Variants in B4GALT6 observed in about 807,000 individuals in gnomAD.
The protein encoded by B4GALT6 is beta-1,4-galactosyltransferase 6.
A neutral mutation model predicts 46.3 loss-of-function variants in B4GALT6; 14 were observed. The ratio of observed to expected loss-of-function variants is 0.30; its 90% CI spans 0.20 to 0.47. The LOEUF (loss-of-function observed/expected upper bound fraction) is 0.47. Among genes scored for constraint, B4GALT6 ranks in the 20% least tolerant of loss-of-function variants. The pLI is 0.99. For synonymous variants in B4GALT6, 168 were observed against 162.0 expected, an observed-to-expected ratio of 1.04 and a Z score of -0.28; for missense variants, 386 against 480.1, an observed-to-expected ratio of 0.80 and a Z score of 1.83.
the B4GALT6 span, among the ~76,000 whole-genome samples, chr18:31,695,676 T>C: frequency 6.6e-6 from 1 of 152,072 alleles, no homozygotes; most frequent in South Asian, 2.1e-4. Flanking sequence ...ATCTGAAGAG[T>C]AGTGAAAGCT....
chr18:31,684,258 C>A, intron 1 of B4GALT6, 54 bp downstream of exon 1: 1 of 1,608,772 alleles, frequency 6.2e-7, no homozygotes, highest in Non-Finnish European at 8.5e-7. Flanking sequence ...CGGATAACAG[C>A]CTGCGCTGGC....
chr18:31,682,767 A>T (rs1473630415), intron 1 of B4GALT6, among the ~76,000 whole-genome samples: 1 of 152,110 alleles, frequency 6.6e-6, no homozygotes, highest in Non-Finnish European at 1.5e-5. Context: ...AATTCCTAGT[A>T]AAAAAACATA....
At chr18:31,691,135 C>G in the B4GALT6 span, among the ~76,000 whole-genome samples, 6 of 151,772 alleles carry the variant, frequency 4.0e-5, no homozygotes, top group Non-Finnish European at 5.9e-5. Context: ...CACATGTATC[C>G]CAGAACTTAA....
At chr18:31,720,894 A>G in the B4GALT6 span, among the ~76,000 whole-genome samples, 1 of 152,218 alleles carries the variant, frequency 6.6e-6, no homozygotes, top group Non-Finnish European at 1.5e-5. Context: ...AGGCACATCC[A>G]AAGTGGCTGA....
chr18:31,684,672 A>T, upstream of B4GALT6: 3 of 469,862 alleles, frequency 6.4e-6, no homozygotes, highest in Non-Finnish European at 7.8e-6. Context: ...TGGAGGGGGG[A>T]GAGGGGACTG....
chr18:31,650,531 G>A (rs1171565603), intron 3 of B4GALT6, among the ~76,000 whole-genome samples: 1 of 152,192 alleles, frequency 6.6e-6, no homozygotes, highest in Non-Finnish European at 1.5e-5. Context: ...CTGGTAGGAG[G>A]TTTAAGCCCT....
At position 31,662,802 on chromosome 18, in the gene B4GALT6, C is replaced by T. The variant is rs2074234742; in HGVS notation, c.232+3454G>A. Among the ~76,000 whole-genome samples the T allele has an allele frequency of 2.0e-5, 3 of 152,144 alleles. No individual in the cohort carries two copies. The South Asian group carries it at 6.2e-4, about 32-fold the overall frequency. ...CTTGCAGTGAGCTGAGATCATACCA[C>T]TGCACTTCAGCCTGGGCGACAGAGC... On this transcript the variant is annotated intron_variant, in intron 2 of 8. Coordinates refer to ENST00000306851, the MANE Select transcript of B4GALT6 (RefSeq NM_004775.5).
intron 5 of B4GALT6, among the ~76,000 whole-genome samples, chr18:31,636,091 C>A (rs2073854902): frequency 6.6e-6 from 1 of 152,186 alleles, no homozygotes; most frequent in African/African-American, 2.4e-5. Context: ...GTCTTTGCAA[C>A]AAGTGGTGAT....
rs78975859 is a variant in B4GALT6, at chr18:31,627,891, C to G, written c.777-770G>C. Among the ~76,000 whole-genome samples, 826 of 152,304 alleles carry G rather than the reference C, an allele frequency of 5.4e-3. 8 individuals are homozygous for G. The highest frequency in any genetic ancestry group is 0.019 in the African/African-American group (782 of 41,552). The stretch of plus-strand genomic sequence containing the variant: ...AGACCTGCAATCCTGAATATATTCC[C>G]ATGGACTGAAACACGCCCCTGGGGA... On this transcript the variant is annotated intron_variant, in intron 6 of 8. Transcript: ENST00000306851.
At chr18:31,711,304 T>C in the B4GALT6 span, among the ~76,000 whole-genome samples, 1 of 152,202 alleles carries the variant, frequency 6.6e-6, no homozygotes, top group Non-Finnish European at 1.5e-5. Context: ...AGGTTGATTA[T>C]ACAGGTAAAT....
At chr18:31,678,011 T>C (rs1233971859) in intron 1 of B4GALT6, among the ~76,000 whole-genome samples, 2 of 152,008 alleles carry the variant, frequency 1.3e-5, no homozygotes, top group African/African-American at 2.4e-5. Flanking sequence ...AAGACAAACA[T>C]GAAAGGCAGG....
chr18:31,685,663 G>A (rs1307402873), upstream of B4GALT6: 1 of 152,216 alleles, frequency 6.6e-6, no homozygotes, highest in Non-Finnish European at 1.5e-5. Context: ...GCTGCTGGGG[G>A]TTGAGGGACG....
At chr18:31,673,543 C>T (rs1261258632) in intron 1 of B4GALT6, among the ~76,000 whole-genome samples, 1 of 152,024 alleles carries the variant, frequency 6.6e-6, no homozygotes, top group African/African-American at 2.4e-5. Flanking sequence ...CACTGACTGC[C>T]GAAATCGTCC....
chr18:31,669,015 CAAAAAAA>C (rs34372600), intron 1 of B4GALT6, among the ~76,000 whole-genome samples: 1 of 101,068 alleles, frequency 9.9e-6, no homozygotes, highest in Non-Finnish European at 2.1e-5. Context: ...GACCCTGTGT[CAAAAAAA>C]AAAAAAAAAA....
chr18:31,662,321 C>T (rs956423735), intron 2 of B4GALT6, among the ~76,000 whole-genome samples: 2 of 152,202 alleles, frequency 1.3e-5, no homozygotes, highest in Admixed American at 6.5e-5. Context: ...TCCTTCAGTA[C>T]TCTGTCCGGT....
chr18:31,672,346 C>T (rs1444263178), intron 1 of B4GALT6, among the ~76,000 whole-genome samples: 1 of 152,082 alleles, frequency 6.6e-6, no homozygotes, highest in African/African-American at 2.4e-5. Context: ...TACAAGAGGG[C>T]TAGAAATACC....
chr18:31,711,852 A>G, the B4GALT6 span, among the ~76,000 whole-genome samples: 1 of 152,142 alleles, frequency 6.6e-6, no homozygotes, highest in South Asian at 2.1e-4. Context: ...TATCTTTCAA[A>G]CACTATTGCA....
At chr18:31,705,634 C>T in the B4GALT6 span, among the ~76,000 whole-genome samples, 5 of 152,272 alleles carry the variant, frequency 3.3e-5, no homozygotes, top group East Asian at 1.9e-4. Flanking sequence ...GTGATCCATC[C>T]GCCTTGGCCT....
At chr18:31,705,798 A>G in the B4GALT6 span, among the ~76,000 whole-genome samples, 4 of 152,356 alleles carry the variant, frequency 2.6e-5, no homozygotes, top group East Asian at 5.8e-4. Flanking sequence ...GTGGAGCTAC[A>G]AGTAATTTCT....
Sources: allele counts gnomAD v4.1 joint callset (sites outside exome capture counted in the v4.1 genomes callset), GRCh38; gene constraint gnomAD v4.1.1; transcripts MANE v1.5; gene names NCBI Gene and HGNC (gene_info 2026-07-23, HGNC 2026-07-21).